Variants in ANKS1B observed in about 807,000 individuals in gnomAD.
The protein encoded by ANKS1B is ankyrin repeat and sterile alpha motif domain containing 1B, also known as ankyrin repeat and sterile alpha motif domain-containing protein 1B.
ANKS1B carries 36 observed loss-of-function variants against 148.3 expected under a neutral mutation model. That is an observed-to-expected ratio of 0.24 (90% CI 0.19 to 0.32). The LOEUF is 0.32. Ranked by LOEUF, ANKS1B falls within the 10% of genes least tolerant of loss-of-function variation. The pLI, the probability that ANKS1B is intolerant of heterozygous loss-of-function variation, is 1.00. For missense variants in ANKS1B, 1,157 were observed against 1,542.6 expected (o/e 0.75, Z 4.19); for synonymous variants, 542 against 560.8 (o/e 0.97, Z 0.47).
intron 9 of ANKS1B, among the ~76,000 whole-genome samples, chr12:99,634,767 A>G (rs2098215750): frequency 6.6e-6 from 1 of 152,200 alleles, no homozygotes; most frequent in South Asian, 2.1e-4. Flanking sequence ...TAAAAATTAG[A>G]TAAATTGGAC....
At chr12:99,803,283 C>CCG (rs1555620534) in intron 4 of ANKS1B, among the ~76,000 whole-genome samples, 1 of 136,120 alleles carries the variant, frequency 7.3e-6, no homozygotes, top group Admixed American at 7.3e-5. Context: ...TCACCCCCCC[C>CCG]CAAAAAAAAA....
chr12:98,846,048 T>TA (rs1252115025), intron 17 of ANKS1B, among the ~76,000 whole-genome samples: 1 of 138,796 alleles, frequency 7.2e-6, no homozygotes, highest in Admixed American at 7.1e-5. Flanking sequence ...GTATATTTTG[T>TA]TCTTTCCTGC....
chr12:98,977,644 G>C (rs1405335393), intron 17 of ANKS1B, among the ~76,000 whole-genome samples: 1 of 152,086 alleles, frequency 6.6e-6, no homozygotes, highest in Non-Finnish European at 1.5e-5. Flanking sequence ...ATCAACACAT[G>C]GTTGTCACAG....
intron 17 of ANKS1B, among the ~76,000 whole-genome samples, chr12:98,875,843 C>T (rs1567420287): frequency 6.6e-6 from 1 of 152,076 alleles, no homozygotes; most frequent in Non-Finnish European, 1.5e-5. Flanking sequence ...GCAGAAATAA[C>T]CTCTAAAAGG....
intron 1 of ANKS1B, among the ~76,000 whole-genome samples, chr12:99,889,911 T>A (rs1166637296): frequency 6.6e-6 from 1 of 152,128 alleles, no homozygotes; most frequent in Non-Finnish European, 1.5e-5. Flanking sequence ...TTAATAAGCT[T>A]CTAGGTGGGC....
At chr12:99,935,275 G>T (rs1249350458) in intron 1 of ANKS1B, among the ~76,000 whole-genome samples, 1 of 151,668 alleles carries the variant, frequency 6.6e-6, no homozygotes, top group Non-Finnish European at 1.5e-5. Context: ...AAGTTGGGAA[G>T]GGATGGGGCG....
In ANKS1B at chr12:99,495,142, CTTG is replaced by C. The variant is rs542861519; in HGVS notation, c.1438+9331_1438+9333del. Among the ~76,000 whole-genome samples, 16 of 152,184 alleles carry C rather than the reference CTTG, an allele frequency of 1.1e-4. No homozygotes were observed. The East Asian group carries it at 2.9e-3, about 28-fold the overall frequency. ...AACTTATGAATTAATGAATGTTTAC[CTTG>C]TTATTATACATACACTGACATTATA... On this transcript the variant is annotated intron_variant, in intron 10 of 26. Coordinates refer to ENST00000683438, the MANE Select transcript of ANKS1B (RefSeq NM_001352186.2).
At chr12:99,435,151 A>G (rs2095438618) in intron 11 of ANKS1B, among the ~76,000 whole-genome samples, 1 of 152,218 alleles carries the variant, frequency 6.6e-6, no homozygotes, top group East Asian at 1.9e-4. Context: ...TTAATCATCA[A>G]TGGAAGATAC....
intron 9 of ANKS1B, among the ~76,000 whole-genome samples, chr12:99,581,091 T>C (rs2097565527): frequency 6.6e-6 from 1 of 152,138 alleles, no homozygotes; most frequent in South Asian, 2.1e-4. Context: ...GCAAAGTACC[T>C]AGAACAACCA....
chr12:99,603,284 G>A, intron 9 of ANKS1B, among the ~76,000 whole-genome samples: 1 of 152,098 alleles, frequency 6.6e-6, no homozygotes, highest in East Asian at 1.9e-4. Flanking sequence ...AGGAATCCAA[G>A]CCAAGGACTC....
intron 11 of ANKS1B, among the ~76,000 whole-genome samples, chr12:99,409,816 A>G (rs1350918808): frequency 6.6e-6 from 1 of 152,244 alleles, no homozygotes; most frequent in Non-Finnish European, 1.5e-5. Context: ...TACTACTCAA[A>G]TAGAATTGCA....
At chr12:99,253,033 G>A (rs1437968804) in intron 12 of ANKS1B, among the ~76,000 whole-genome samples, 2 of 152,106 alleles carry the variant, frequency 1.3e-5, no homozygotes, top group Admixed American at 6.5e-5. Flanking sequence ...AGACCAGCCT[G>A]GGCAACATAG....
intron 9 of ANKS1B, among the ~76,000 whole-genome samples, chr12:99,555,007 T>C (rs2097261378): frequency 6.6e-6 from 1 of 152,150 alleles, no homozygotes; most frequent in Admixed American, 6.6e-5. Flanking sequence ...GCTCCATCTA[T>C]GTTGCTGCAA....
intron 11 of ANKS1B, among the ~76,000 whole-genome samples, chr12:99,416,629 C>T (rs1189431886): frequency 3.9e-5 from 6 of 152,178 alleles, no homozygotes; most frequent in Admixed American, 2.6e-4. Flanking sequence ...TGCTTATTTG[C>T]TGCCATCTAC....
intron 15 of ANKS1B, among the ~76,000 whole-genome samples, chr12:99,108,070 C>T (rs978435600): frequency 1.3e-5 from 2 of 152,170 alleles, no homozygotes; most frequent in African/African-American, 4.8e-5. Context: ...AGATGTGAGG[C>T]TCAAATGACC....
Position 99,246,725 on chromosome 12 carries a change from A to G in ANKS1B, c.1896T>C (p.Cys632=). 1 of 1,613,888 alleles carries G rather than the reference A, an allele frequency of 6.2e-7. No homozygotes were observed. The highest frequency in any genetic ancestry group is 8.5e-7 in the Non-Finnish European group (1 of 1,179,868). The change falls in exon 13 of 27, where the codon TGT becomes TGC. Residue 632 remains cysteine, a synonymous_variant. Transcript: ENST00000683438. ...AACTGACTTCATCTTGTCCTTTTTCACATTGTTCTCTTTTCCCATAGAGAT... is the reference window on the plus strand; with the variant it reads ...AACTGACTTCATCTTGTCCTTTTTCGCATTGTTCTCTTTTCCCATAGAGAT... ...PFHLYGKREQ[C]EKGQDEVSLA...
intron 8 of ANKS1B, 96 bp from the exon 9 acceptor site, chr12:99,655,306 G>C: frequency 6.2e-6 from 7 of 1,124,952 alleles, no homozygotes; most frequent in Non-Finnish European, 8.6e-6. Flanking sequence ...GGTATATCTC[G>C]GCAAACAAGT....
At chr12:99,695,706 A>G (rs1480097225) in intron 8 of ANKS1B, among the ~76,000 whole-genome samples, 1 of 152,120 alleles carries the variant, frequency 6.6e-6, no homozygotes, top group Admixed American at 6.6e-5. Flanking sequence ...AGGGAGGGGA[A>G]CAACACTCAC....
intron 16 of ANKS1B, among the ~76,000 whole-genome samples, chr12:99,075,567 T>C (rs1257451429): frequency 6.6e-6 from 1 of 152,188 alleles, no homozygotes; most frequent in Non-Finnish European, 1.5e-5. Context: ...AACATTTATA[T>C]AGCCCAAATA....
Sources: allele counts gnomAD v4.1 joint callset (sites outside exome capture counted in the v4.1 genomes callset), GRCh38; gene constraint gnomAD v4.1.1; transcripts MANE v1.5; gene names NCBI Gene and HGNC (gene_info 2026-07-23, HGNC 2026-07-21).